Variants in HMGCLL1 observed in about 807,000 individuals in gnomAD.
The protein encoded by HMGCLL1 is 3-hydroxymethyl-3-methylglutaryl-CoA lyase, cytoplasmic.
A neutral mutation model predicts 39.1 loss-of-function variants in HMGCLL1; 36 were observed. That is an observed-to-expected ratio of 0.92 (90% confidence interval 0.71 to 1.22). The LOEUF (loss-of-function observed/expected upper bound fraction) is 1.22. HMGCLL1 is among the 50% of genes most tolerant of loss of function. The probability of loss-of-function intolerance (pLI) is 0.00; values close to 1 mark genes in which losing one functional copy is unlikely to be tolerated. For synonymous variants in HMGCLL1, 149 were observed against 144.0 expected (o/e 1.03, Z -0.25); for missense variants, 451 against 416.5 (o/e 1.08, Z -0.72).
At chr6:55,630,175 C>A in the HMGCLL1 span, among the ~76,000 whole-genome samples, 12,024 of 152,196 alleles carry the variant, frequency 0.079, 676 homozygotes, top group East Asian at 0.23. Flanking sequence ...AGGGGTGGAG[C>A]TGCCTAAGGC....
intron 7 of HMGCLL1, among the ~76,000 whole-genome samples, chr6:55,457,965 T>C (rs191499033): frequency 6.6e-6 from 1 of 152,262 alleles, no homozygotes; most frequent in Non-Finnish European, 1.5e-5. Context: ...CTGCAATTTC[T>C]AGGTCCTCAC....
chr6:55,505,605 G>A (rs944963447), intron 5 of HMGCLL1, among the ~76,000 whole-genome samples: 4 of 151,500 alleles, frequency 2.6e-5, no homozygotes, highest in African/African-American at 7.3e-5. Context: ...TAGAATACTT[G>A]ACTGATTTTA....
chr6:55,454,483 G>T, intron 7 of HMGCLL1, among the ~76,000 whole-genome samples: 1 of 152,188 alleles, frequency 6.6e-6, no homozygotes, highest in East Asian at 1.9e-4. Flanking sequence ...CTCAAACCTG[G>T]CATAGAAAGC....
intron 7 of HMGCLL1, among the ~76,000 whole-genome samples, chr6:55,450,409 T>G (rs979222653): frequency 1.3e-5 from 2 of 152,200 alleles, no homozygotes; most frequent in East Asian, 3.8e-4. Flanking sequence ...ATTTTAACTG[T>G]GTGATTTTGA....
chr6:55,676,243 C>G, the HMGCLL1 span, among the ~76,000 whole-genome samples: 1 of 151,810 alleles, frequency 6.6e-6, no homozygotes, highest in African/African-American at 2.4e-5. Context: ...AATATAAAAA[C>G]AAACAAAGAT....
At chr6:55,527,081 T>C (rs546276794) in intron 3 of HMGCLL1, among the ~76,000 whole-genome samples, 2 of 152,184 alleles carry the variant, frequency 1.3e-5, no homozygotes, top group Admixed American at 1.3e-4. Context: ...GATAAACACA[T>C]CTTCCATATC....
Position 55,509,184 on chromosome 6 carries a change from T to C in HMGCLL1, c.542+4864A>G, listed in dbSNP as rs539530371. 6.6e-5 allele frequency among the ~76,000 whole-genome samples: 10 copies of C among 152,048 alleles called. No individual in the cohort carries two copies. In the South Asian group the frequency reaches 8.3e-4, roughly 13 times the overall value. On this transcript the variant is annotated intron_variant, in intron 5 of 8. Transcript: ENST00000274901. ...ATATTTTGGTGGTACATAATGATGA[T>C]TGAATTGTTCTTCCAGACCTAGGCC... is the stretch of plus-strand genomic sequence containing the variant.
intron 7 of HMGCLL1, among the ~76,000 whole-genome samples, chr6:55,442,902 G>C (rs1467029488): frequency 6.6e-6 from 1 of 152,166 alleles, no homozygotes; most frequent in African/African-American, 2.4e-5. Context: ...CTGGGAGTCT[G>C]CCATGATATA....
chr6:55,620,989 T>C, the HMGCLL1 span, among the ~76,000 whole-genome samples: 1 of 151,942 alleles, frequency 6.6e-6, no homozygotes, highest in Non-Finnish European at 1.5e-5. Context: ...TATAGGTCTG[T>C]TTTTATGCCA....
intron 7 of HMGCLL1, among the ~76,000 whole-genome samples, chr6:55,483,804 A>G (rs903440903): frequency 6.6e-6 from 1 of 152,222 alleles, no homozygotes; most frequent in African/African-American, 2.4e-5. Flanking sequence ...AAAGTTACAA[A>G]AATTACTTCA....
chr6:55,488,446 C>T (rs192263191), intron 7 of HMGCLL1, among the ~76,000 whole-genome samples: 61 of 152,112 alleles, frequency 4.0e-4, no homozygotes, highest in African/African-American at 1.3e-3. Flanking sequence ...TGCTTCATCA[C>T]GCTTTTTTAA....
the HMGCLL1 span, among the ~76,000 whole-genome samples, chr6:55,620,836 C>T: frequency 6.6e-6 from 1 of 151,878 alleles, no homozygotes; most frequent in Non-Finnish European, 1.5e-5. Context: ...TATTCTTCTC[C>T]ATATGGTTGT....
intron 7 of HMGCLL1, among the ~76,000 whole-genome samples, chr6:55,472,463 A>G (rs1765090031): frequency 7.4e-6 from 1 of 135,340 alleles, no homozygotes; most frequent in African/African-American, 2.5e-5. Context: ...TTTACCACTG[A>G]CCTGTTAATA....
At chr6:55,443,884 G>A (rs1451620216) in intron 7 of HMGCLL1, among the ~76,000 whole-genome samples, 1 of 151,964 alleles carries the variant, frequency 6.6e-6, no homozygotes. Context: ...AAAAAGTCAG[G>A]CTCAAAAGAA....
chr6:55,477,610 T>C (rs1450328229), intron 7 of HMGCLL1, among the ~76,000 whole-genome samples: 1 of 141,756 alleles, frequency 7.1e-6, no homozygotes, highest in African/African-American at 2.7e-5. Flanking sequence ...TAAATGTCTT[T>C]TAATGGGGGA....
chr6:55,522,744 TGA>T (rs1320443407), intron 3 of HMGCLL1, among the ~76,000 whole-genome samples: 1 of 152,024 alleles, frequency 6.6e-6, no homozygotes, highest in Admixed American at 6.6e-5. Context: ...TTTAACTTAA[TGA>T]GAGATTAGTC....
chr6:55,517,990 A>G (rs1767832768), intron 3 of HMGCLL1, among the ~76,000 whole-genome samples: 2 of 152,032 alleles, frequency 1.3e-5, no homozygotes, highest in Non-Finnish European at 2.9e-5. Context: ...CCCCTGCCTC[A>G]CCAATTCCCG....
the HMGCLL1 span, among the ~76,000 whole-genome samples, chr6:55,652,301 A>G: frequency 2.3e-3 from 345 of 152,044 alleles, 2 homozygotes; most frequent in Admixed American, 1.0e-2. Flanking sequence ...GAGGACTTCA[A>G]TGTTGTCATA....
At chr6:55,663,078 C>CT in the HMGCLL1 span, among the ~76,000 whole-genome samples, 1 of 151,076 alleles carries the variant, frequency 6.6e-6, no homozygotes, top group African/African-American at 2.4e-5. Context: ...TCCCTGTTTT[C>CT]TTTTTTATTA....
Sources: allele counts gnomAD v4.1 joint callset (sites outside exome capture counted in the v4.1 genomes callset), GRCh38; gene constraint gnomAD v4.1.1; transcripts MANE v1.5; gene names NCBI Gene and HGNC (gene_info 2026-07-23, HGNC 2026-07-21).